DPP8: variants seen among roughly 807,000 people sequenced by gnomAD.
The protein encoded by DPP8 is DPP VIII.
A neutral mutation model predicts 107.5 loss-of-function variants in DPP8; 31 were observed. The observed-to-expected ratio is 0.29, with a 90% confidence interval of 0.22 to 0.39. The LOEUF is 0.39. Among genes scored for constraint, DPP8 ranks in the 10% least tolerant of loss-of-function variants. DPP8 has a pLI of 1.00. For missense variants in DPP8, 842 were observed against 1,076.1 expected (o/e 0.78, Z 3.04); for synonymous variants, 381 against 356.6 (o/e 1.07, Z -0.77).
intron 2 of DPP8, 74 bp from the exon 3 acceptor site, chr15:65,507,429 T>C: frequency 1.1e-6 from 1 of 885,582 alleles, no homozygotes; most frequent in Non-Finnish European, 1.8e-6. Flanking sequence ...TGCAAGTACA[T>C]AATGCCTTCT....
At chr15:65,477,111 A>G (rs540809046) in intron 11 of DPP8, among the ~76,000 whole-genome samples, 133 of 152,302 alleles carry the variant, frequency 8.7e-4, no homozygotes, top group South Asian at 1.7e-3. Flanking sequence ...GATGGTGGTG[A>G]TGATTGCACA....
chr15:65,512,806 G>A, intron 1 of DPP8: 1 of 468,352 alleles, frequency 2.1e-6, no homozygotes, highest in South Asian at 3.5e-5. Flanking sequence ...AAATCCCTTT[G>A]GTAGCTTTTA....
At chr15:65,505,037 G>GACA (rs2069778614) in intron 3 of DPP8, among the ~76,000 whole-genome samples, 1 of 152,052 alleles carries the variant, frequency 6.6e-6, no homozygotes, top group African/African-American at 2.4e-5. Flanking sequence ...TTTCAGGAAT[G>GACA]ACATATCTGG....
chr15:65,448,094 T>C (rs2063604802), intron 19 of DPP8, among the ~76,000 whole-genome samples: 1 of 152,108 alleles, frequency 6.6e-6, no homozygotes, highest in Non-Finnish European at 1.5e-5. Flanking sequence ...CACTAAAACC[T>C]AGCTTTAAGC....
intron 19 of DPP8, among the ~76,000 whole-genome samples, chr15:65,448,362 ATC>A (rs538473188): frequency 1.5e-4 from 23 of 152,028 alleles, no homozygotes; most frequent in Admixed American, 4.6e-4. Context: ...AGTGACACCC[ATC>A]TCTATTTATT....
rs181062715 is a variant in DPP8 at position 65,452,624 on chromosome 15, G to T, written c.2272-522C>A. On this transcript the variant is annotated intron_variant, in intron 17 of 19. Coordinates refer to ENST00000300141, the MANE Select transcript of DPP8 (RefSeq NM_130434.5). ...AGAATTTATTTATGGTTATTATAAA[G>T]ATTATCTAGATATATGTGCAAGAAT... 1.1e-4 allele frequency among the ~76,000 whole-genome samples: 16 copies of T among 152,194 alleles called. No homozygotes were observed. The East Asian group carries it at 3.1e-3, about 29-fold the overall frequency.
chr15:65,487,277 G>A (rs1433091810), intron 7 of DPP8, among the ~76,000 whole-genome samples: 1 of 151,976 alleles, frequency 6.6e-6, no homozygotes, highest in Non-Finnish European at 1.5e-5. Context: ...AGCCTCCCAA[G>A]TAGCTGGGAT....
intron 1 of DPP8, among the ~76,000 whole-genome samples, chr15:65,513,023 C>A (rs191388246): frequency 8.5e-5 from 13 of 152,230 alleles, no homozygotes; most frequent in Admixed American, 1.3e-4. Context: ...ACAGAAATAA[C>A]CACAACAAAT....
chr15:65,478,337 C>A lies in DPP8; in HGVS notation c.1456+543G>T, dbSNP rs568523218. ...GTGGTGGCGTGATCTTGGCTCACTG[C>A]AATCTCCGCCTCCTGGGTTCAAGTG... On this transcript the variant is annotated intron_variant, in intron 11 of 19. Coordinates refer to ENST00000300141, the MANE Select transcript of DPP8 (RefSeq NM_130434.5). 1.1e-3 allele frequency among the ~76,000 whole-genome samples: 161 copies of A among 152,280 alleles called. No homozygotes were observed. In the Middle Eastern group the frequency reaches 0.02, roughly 19 times the overall value.
chr15:65,478,311 T>G (rs1163226333), intron 11 of DPP8, among the ~76,000 whole-genome samples: 1 of 152,162 alleles, frequency 6.6e-6, no homozygotes, highest in East Asian at 1.9e-4. Flanking sequence ...CAGACTGGAG[T>G]GTGGTGGCGT....
At chr15:65,510,917 C>T (rs2070692013) in intron 2 of DPP8, among the ~76,000 whole-genome samples, 1 of 152,158 alleles carries the variant, frequency 6.6e-6, no homozygotes, top group Non-Finnish European at 1.5e-5. Flanking sequence ...TGAGAAACTG[C>T]TGTTCGCTAA....
chr15:65,485,035 A>G, intron 8 of DPP8, 64 bp downstream of exon 8: 1 of 1,273,556 alleles, frequency 7.9e-7, no homozygotes, highest in South Asian at 1.2e-5. Flanking sequence ...GTATCAAAGA[A>G]CCCTACTGGG....
chr15:65,467,906 ATTAG>A (rs902462318), intron 12 of DPP8, among the ~76,000 whole-genome samples: 25 of 152,304 alleles, frequency 1.6e-4, no homozygotes, highest in African/African-American at 5.3e-4. Context: ...TTGTATATTT[ATTAG>A]TTAGTGTTAT....
At chr15:65,496,859 C>G (rs2068652513) in intron 5 of DPP8, among the ~76,000 whole-genome samples, 1 of 151,370 alleles carries the variant, frequency 6.6e-6, no homozygotes, top group South Asian at 2.1e-4. Context: ...CCATGTTGTC[C>G]AGGCTCAAGT....
At chr15:65,481,768 A>G (rs1290101921) in intron 8 of DPP8, among the ~76,000 whole-genome samples, 153 bp from the exon 9 acceptor site, 1 of 152,150 alleles carries the variant, frequency 6.6e-6, no homozygotes, top group African/African-American at 2.4e-5. Context: ...TCTAGAAGTA[A>G]ATTCTGGGTT....
intron 2 of DPP8, among the ~76,000 whole-genome samples, chr15:65,511,681 T>C (rs969518088): frequency 5.4e-5 from 8 of 148,684 alleles, no homozygotes; most frequent in African/African-American, 2.0e-4. Flanking sequence ...CATGAACTCA[T>C]GCAGACATCT....
rs150128866 is a variant in DPP8, at chr15:65,488,521, T to C, written c.827-703A>G. On this transcript the variant is annotated intron_variant, in intron 6 of 19. Transcript: ENST00000300141. ...TACTTGAGAGGCTGAGGTGAGAGGATTGCTTGAGCCCGGGAGGCAGACTTT... is the reference window on the plus strand; with the variant it reads ...TACTTGAGAGGCTGAGGTGAGAGGACTGCTTGAGCCCGGGAGGCAGACTTT... Among the ~76,000 whole-genome samples the C allele has an allele frequency of 3.5e-3, 524 of 148,324 alleles. 3 individuals carry two copies. Among genetic ancestry groups the C allele is most frequent in the African/African-American group, 0.012 (494 of 39,668 alleles).
chr15:65,466,167 C>T (rs1325421089), intron 14 of DPP8, among the ~76,000 whole-genome samples: 1 of 152,100 alleles, frequency 6.6e-6, no homozygotes, highest in Non-Finnish European at 1.5e-5. Context: ...GAGACAAGGT[C>T]TTGCTTTGTC....
intron 19 of DPP8, among the ~76,000 whole-genome samples, chr15:65,448,781 A>G (rs551844584): frequency 5.5e-4 from 75 of 136,874 alleles, no homozygotes; most frequent in South Asian, 2.5e-3. Flanking sequence ...ATATATATCT[A>G]AAATATACAT....
Sources: gnomAD v4.1 joint callset for allele counts (sites outside exome capture counted in the v4.1 genomes callset) on GRCh38, gnomAD v4.1.1 for gene constraint, MANE v1.5 for transcripts, NCBI Gene and HGNC (gene_info 2026-07-23, HGNC 2026-07-21) for gene names.